The following KCNMA1 variants were observed in gnomAD, a reference collection of about 807,000 sequenced individuals.
The protein encoded by KCNMA1 is Calcium-activated potassium channel subunit alpha-1.
KCNMA1 carries 29 observed loss-of-function variants against 140.0 expected under a neutral mutation model. The ratio of observed to expected loss-of-function variants is 0.21; its 90% CI spans 0.15 to 0.28. KCNMA1 has a LOEUF of 0.28. Among genes scored for constraint, KCNMA1 ranks in the 10% least tolerant of loss-of-function variants. The probability of loss-of-function intolerance (pLI) is 1.00; values close to 1 mark genes in which losing one functional copy is unlikely to be tolerated. For synonymous variants in KCNMA1, 612 were observed against 611.9 expected, an observed-to-expected ratio of 1.00 and a Z score of 0.00; for missense variants, 880 against 1,602.2, an observed-to-expected ratio of 0.55 and a Z score of 7.70.
intron 1 of KCNMA1, among the ~76,000 whole-genome samples, chr10:77,447,044 G>T (rs2097542362): frequency 1.3e-5 from 2 of 152,320 alleles, no homozygotes; most frequent in Admixed American, 6.5e-5. Flanking sequence ...AAGGACTTGA[G>T]GCCCAGCTTC....
At chr10:77,169,124 A>G (rs1181756473) in intron 5 of KCNMA1, among the ~76,000 whole-genome samples, 1 of 152,218 alleles carries the variant, frequency 6.6e-6, no homozygotes, top group East Asian at 1.9e-4. Flanking sequence ...TGGTTTTGGA[A>G]GAGGCAAGTA....
At chr10:77,021,324 T>A (rs906987587) in intron 16 of KCNMA1, among the ~76,000 whole-genome samples, 2 of 152,150 alleles carry the variant, frequency 1.3e-5, no homozygotes, top group Non-Finnish European at 2.9e-5. Context: ...ATCGCTAGCT[T>A]ACAATGCCTC....
intron 1 of KCNMA1, among the ~76,000 whole-genome samples, chr10:77,442,342 G>A (rs1313705871): frequency 6.6e-6 from 1 of 151,910 alleles, no homozygotes; most frequent in Non-Finnish European, 1.5e-5. Flanking sequence ...GGTTCCCCTT[G>A]CCACCTAGAC....
At chr10:77,560,804 C>G (rs183894709) in intron 1 of KCNMA1, among the ~76,000 whole-genome samples, 1 of 152,362 alleles carries the variant, frequency 6.6e-6, no homozygotes, top group East Asian at 1.9e-4. Flanking sequence ...CCAGCCTCTA[C>G]ATCTCATTCT....
rs1478529383 is a variant in KCNMA1 at position 77,108,981 on chromosome 10, A to G, written c.1132-409T>C. ...GAGAAGATCTTCCTTTGTCATTAAA[A>G]TTCAGAGGAGAATCAATGCTTTTAT... On this transcript the variant is annotated intron_variant, in intron 8 of 27. Transcript: ENST00000286628. This position sits in a 1 kb window ranked among gnomAD's most constrained non-coding sequence, Gnocchi z 4.6. Among the ~76,000 whole-genome samples, 1 of 152,170 alleles carries G rather than the reference A, an allele frequency of 6.6e-6. No homozygotes were observed. Among genetic ancestry groups the G allele is most frequent in the African/African-American group, 2.4e-5 (1 of 41,462 alleles).
downstream of KCNMA1, among the ~76,000 whole-genome samples, chr10:76,880,985 A>C (rs1316683333): frequency 6.6e-6 from 1 of 152,178 alleles, no homozygotes; most frequent in Non-Finnish European, 1.5e-5. Flanking sequence ...CTCTGAGTAC[A>C]ATGTGTGACA....
At chr10:77,187,430 G>C (rs1414083436) in intron 3 of KCNMA1, among the ~76,000 whole-genome samples, 1 of 152,128 alleles carries the variant, frequency 6.6e-6, no homozygotes, top group Non-Finnish European at 1.5e-5. Context: ...CAACACCCCT[G>C]GTTTACAGGA....
intron 23 of KCNMA1, among the ~76,000 whole-genome samples, chr10:76,915,789 T>C (rs778047433): frequency 1.1e-4 from 17 of 152,134 alleles, no homozygotes; most frequent in Non-Finnish European, 1.9e-4. Context: ...AGGAAGTGTT[T>C]CCTTGCTCTT....
At chr10:77,159,794 C>T (rs1265724267) in intron 5 of KCNMA1, among the ~76,000 whole-genome samples, 1 of 152,228 alleles carries the variant, frequency 6.6e-6, no homozygotes, top group African/African-American at 2.4e-5. Context: ...CCAGCACTCT[C>T]CTGCCATATT....
chr10:77,282,728 T>A (rs1178821118), intron 2 of KCNMA1, among the ~76,000 whole-genome samples: 1 of 152,100 alleles, frequency 6.6e-6, no homozygotes, highest in Non-Finnish European at 1.5e-5. Flanking sequence ...GAAGCTCTGA[T>A]AAGAAACACA....
intron 2 of KCNMA1, among the ~76,000 whole-genome samples, chr10:77,380,334 C>T (rs191461610): frequency 3.1e-3 from 472 of 152,250 alleles, no homozygotes; most frequent in Non-Finnish European, 5.7e-3. Flanking sequence ...CCGCATGAGT[C>T]GTCTTTAGGA....
intron 25 of KCNMA1, among the ~76,000 whole-genome samples, chr10:76,905,301 T>C (rs946228124): frequency 9.9e-5 from 15 of 152,160 alleles, no homozygotes; most frequent in African/African-American, 4.8e-5. Flanking sequence ...AAAAAAATAA[T>C]CAAGGGTTGC....
At chr10:77,500,894 G>GAA (rs1286709193) in intron 1 of KCNMA1, among the ~76,000 whole-genome samples, 1 of 152,184 alleles carries the variant, frequency 6.6e-6, no homozygotes, top group Non-Finnish European at 1.5e-5. Context: ...ACGGGATGAT[G>GAA]AGTCAGTACA....
intron 15 of KCNMA1, among the ~76,000 whole-genome samples, chr10:77,031,184 C>T (rs1284433401): frequency 1.3e-5 from 2 of 152,164 alleles, no homozygotes; most frequent in Non-Finnish European, 2.9e-5. Flanking sequence ...AGTCACAAGC[C>T]CAACAGGCAG....
At chr10:77,422,383 C>T (rs1272512151) in intron 1 of KCNMA1, among the ~76,000 whole-genome samples, 1 of 152,214 alleles carries the variant, frequency 6.6e-6, no homozygotes, top group Non-Finnish European at 1.5e-5. Flanking sequence ...AGGGGAACCC[C>T]GTTTTGAGAA....
chr10:77,280,728 T>A (rs116802309), intron 2 of KCNMA1, among the ~76,000 whole-genome samples: 2,583 of 150,588 alleles, frequency 0.017, 74 homozygotes, highest in African/African-American at 0.06. Context: ...AGAGTCTTAC[T>A]ATGTTGCCCA....
chr10:77,362,301 TAAG>T (rs993539868), intron 2 of KCNMA1, among the ~76,000 whole-genome samples: 3 of 150,656 alleles, frequency 2.0e-5, no homozygotes, highest in Non-Finnish European at 3.0e-5. Context: ...GACACATCCT[TAAG>T]AAGAGGGCAT....
intron 1 of KCNMA1, among the ~76,000 whole-genome samples, chr10:77,453,159 T>A (rs539265634): frequency 9.2e-5 from 14 of 152,094 alleles, no homozygotes; most frequent in Admixed American, 9.2e-4. Context: ...CCTGTTTGCA[T>A]AGAGTCTAGC....
chr10:77,007,661 A>G (rs767799555), intron 18 of KCNMA1, among the ~76,000 whole-genome samples: 3,332 of 115,766 alleles, frequency 0.029, 166 homozygotes, highest in Middle Eastern at 0.051. Flanking sequence ...GTGTATATAT[A>G]TATATATATA....
Sources: gnomAD v4.1 joint callset for allele counts (sites outside exome capture counted in the v4.1 genomes callset) on GRCh38, gnomAD v4.1.1 for gene constraint, Gnocchi (gnomAD v3.1) non-coding constraint, MANE v1.5 for transcripts, NCBI Gene and HGNC (gene_info 2026-07-23, HGNC 2026-07-21) for gene names.